Variants in GRIP2 observed in about 807,000 individuals in gnomAD.
The protein encoded by GRIP2 is glutamate receptor-interacting protein 2.
Under a neutral mutation model 108.3 loss-of-function variants are expected in GRIP2, and 58 were observed. That is an observed-to-expected ratio of 0.54 (90% confidence interval 0.43 to 0.67). The LOEUF (loss-of-function observed/expected upper bound fraction) is 0.67, where lower values mean the gene tolerates loss of function less well. GRIP2 is among the 30% of genes least tolerant of loss of function. The probability of loss-of-function intolerance (pLI) is 0.00; values close to 1 mark genes in which losing one functional copy is unlikely to be tolerated. For missense variants in GRIP2, 1,278 were observed against 1,430.6 expected, an observed-to-expected ratio of 0.89 and a Z score of 1.72; for synonymous variants, 586 against 598.2, an observed-to-expected ratio of 0.98 and a Z score of 0.30.
rs1355013137 is a variant in GRIP2, at chr3:14,513,689, G to A, written c.1615C>T (p.Leu539=). The A allele has an allele frequency of 6.2e-7, 1 of 1,610,506 alleles. No homozygotes were observed. The highest frequency in any genetic ancestry group is 1.7e-5 in the Admixed American group (1 of 59,592). The change falls in exon 13 of 24, where the codon CTG becomes TTG. Residue 539 remains leucine, a synonymous_variant. Coordinates refer to ENST00000621039, the MANE Select transcript of GRIP2 (RefSeq NM_001080423.4). ...CCCGCCACATCGAACTCCACCTCCAGCACGACCTTGTGGGCCAGTGCGGCG... is the reference window on the plus strand; with the variant it reads ...CCCGCCACATCGAACTCCACCTCCAACACGACCTTGTGGGCCAGTGCGGCG... ...RDAALAHKVV[L]EVEFDVAESV...
At chr3:14,514,732 G>C (rs1441935217) in intron 11 of GRIP2, among the ~76,000 whole-genome samples, 4 of 152,244 alleles carry the variant, frequency 2.6e-5, no homozygotes, top group Admixed American at 2.6e-4. Context: ...TGACTGTCAT[G>C]CTGTAAAGCA....
chr3:14,576,906 A>T, the GRIP2 span, among the ~76,000 whole-genome samples: 4 of 152,156 alleles, frequency 2.6e-5, no homozygotes, highest in Non-Finnish European at 5.9e-5. Flanking sequence ...CAGTTAGGCC[A>T]CTCTCAAGCT....
At position 14,503,560 on chromosome 3, in the gene GRIP2, C is replaced by A; in HGVS notation, c.2679+6G>T. 6.2e-7 allele frequency: 1 copy of A among 1,603,394 alleles called. No individual in the cohort carries two copies. The highest frequency in any genetic ancestry group is 8.5e-7 in the Non-Finnish European group (1 of 1,173,908). On this transcript the variant is annotated splice_donor_region_variant and intron_variant, in intron 21 of 23. Transcript: ENST00000621039. ...CCATGCAGGCCTGCAGGGCAGGCAG[C>A]CATACCTCCAGTTCCCTCAGCAGCT...
chr3:14,495,697 G>A (rs1387498081), intron 22 of GRIP2, among the ~76,000 whole-genome samples: 1 of 152,046 alleles, frequency 6.6e-6, no homozygotes, highest in Non-Finnish European at 1.5e-5. Context: ...GAGCCACCGC[G>A]ACCAGCTCGT....
At chr3:14,599,740 C>A in the GRIP2 span, among the ~76,000 whole-genome samples, 1 of 145,456 alleles carries the variant, frequency 6.9e-6, no homozygotes, top group Non-Finnish European at 1.5e-5. Context: ...TCAGCTCCAG[C>A]TGGTCTCTGC....
At chr3:14,513,925 T>C (rs2124895967) in intron 12 of GRIP2, 115 bp from the exon 13 acceptor site, 1 of 1,281,246 alleles carries the variant, frequency 7.8e-7, no homozygotes, top group South Asian at 1.5e-5. Context: ...CTGGGGTGAC[T>C]CTCAGCTCTG....
At chr3:14,586,686 G>C in the GRIP2 span, among the ~76,000 whole-genome samples, 5 of 152,176 alleles carry the variant, frequency 3.3e-5, no homozygotes, top group African/African-American at 7.2e-5. Context: ...TAACATCTGC[G>C]GGGGGAAAGC....
intron 1 of GRIP2, among the ~76,000 whole-genome samples, chr3:14,534,599 T>G (rs1442967885): frequency 6.6e-6 from 1 of 152,018 alleles, no homozygotes; most frequent in Non-Finnish European, 1.5e-5. Context: ...AATCGTCCTG[T>G]AGGAACTCGC....
chr3:14,598,102 CACACAA>C, the GRIP2 span, among the ~76,000 whole-genome samples: 23 of 152,148 alleles, frequency 1.5e-4, no homozygotes, highest in African/African-American at 2.7e-4. Context: ...CTGGAAACCA[CACACAA>C]ACACAAACAC....
At chr3:14,498,479 T>C (rs997369515) in intron 21 of GRIP2, among the ~76,000 whole-genome samples, 1 of 151,860 alleles carries the variant, frequency 6.6e-6, no homozygotes, top group African/African-American at 2.4e-5. Flanking sequence ...ATAAAAACTG[T>C]TTTAGGGCCA....
At chr3:14,581,620 T>C in the GRIP2 span, among the ~76,000 whole-genome samples, 6 of 152,240 alleles carry the variant, frequency 3.9e-5, no homozygotes, top group African/African-American at 1.2e-4. Context: ...CACTGGAAGG[T>C]AGAATGATAT....
rs958240571 is a variant in GRIP2, at chr3:14,521,632, C to T, written c.712+10G>A. On this transcript the variant is annotated intron_variant, in intron 7 of 23. Transcript: ENST00000621039. The surrounding 1 kb of genome is among the most constrained non-coding windows in gnomAD (Gnocchi z 5.1). ...CTGCCCCAACCCACACACTCAGGCC[C>T]CCAACTCACCAGGGGTGGCCACATC... 1.9e-6 allele frequency: 3 copies of T among 1,600,304 alleles called. No homozygotes were observed. Among genetic ancestry groups the T allele is most frequent in the Middle Eastern group, 1.7e-4 (1 of 6,018 alleles).
rs561465669 is a variant in GRIP2 at position 14,555,850 on chromosome 3, C to A, written c.55+50G>T. On this transcript the variant is annotated intron_variant, in intron 1 of 23. Coordinates refer to the GRIP2 transcript ENST00000637182. ...GGGGTGACTGAGGACAGGCAGGGAG[C>A]CTGGGAAGTCCCTCTGGGCCCCTCG... 4.5e-3 allele frequency: 1,791 copies of A among 398,922 alleles called. 4 individuals are homozygous for A. The highest frequency in any genetic ancestry group is 5.9e-3 in the Non-Finnish European group (1,331 of 226,290). The allele number at this position is 398,922 out of a possible 1,614,324, so 24.7% of individuals were successfully genotyped here. A position where few individuals can be genotyped will look rare whatever the true frequency, so the allele number is the denominator to read the frequency against.
rs1349161297 is a variant in GRIP2 at position 14,522,796 on chromosome 3, G to A, written c.566+204C>T. The A allele has an allele frequency of 1.8e-6, 1 of 571,220 alleles. No individual in the cohort carries two copies. Among genetic ancestry groups the A allele is most frequent in the Non-Finnish European group, 3.2e-6 (1 of 314,874 alleles). 35.4% of individuals were successfully genotyped at this position (571,220 alleles called of 1,614,324 possible). On this transcript the variant is annotated intron_variant, in intron 6 of 23. Coordinates refer to ENST00000621039, the MANE Select transcript of GRIP2 (RefSeq NM_001080423.4). The surrounding 1 kb of genome is among the most constrained non-coding windows in gnomAD (Gnocchi z 4.3). ...ACCCCTGAGACAGCAGTATGTTGGG[G>A]AAGAAAGGGCTCGAGGTTTCCCTCA...
chr3:14,591,963 T>G, the GRIP2 span, among the ~76,000 whole-genome samples: 1 of 152,270 alleles, frequency 6.6e-6, no homozygotes, highest in East Asian at 1.9e-4. Flanking sequence ...TGCTCTGTTC[T>G]GTGAGATCTA....
the GRIP2 span, among the ~76,000 whole-genome samples, chr3:14,592,159 C>T: frequency 1.3e-5 from 2 of 152,260 alleles, no homozygotes; most frequent in Non-Finnish European, 2.9e-5. Flanking sequence ...CCTCCACACT[C>T]GGGCCTGTCC....
Position 14,490,020 on chromosome 3 carries a change from A to G in GRIP2, c.*3645T>C, listed in dbSNP as rs989283159. On this transcript the variant is annotated 3_prime_UTR_variant, in exon 24 of 24. Transcript: ENST00000621039. ...GTCAGTTGAGCCCTTTGCCCAACTAACCAGACAAAATTCTCAGTAACTCAT... is the reference window on the plus strand; with the variant it reads ...GTCAGTTGAGCCCTTTGCCCAACTAGCCAGACAAAATTCTCAGTAACTCAT... 2.0e-5 allele frequency: 3 copies of G among 152,164 alleles called. No homozygotes were observed. The highest frequency in any genetic ancestry group is 4.8e-5 in the African/African-American group (2 of 41,424). The allele number at this position is 152,164 out of a possible 1,614,324, so 9.4% of individuals were successfully genotyped here. A position where few individuals can be genotyped will look rare whatever the true frequency, so the allele number is the denominator to read the frequency against.
rs185387418 is a variant in GRIP2, at chr3:14,489,928, G to C, written c.*3737C>G. On this transcript the variant is annotated 3_prime_UTR_variant, in exon 24 of 24. Coordinates refer to ENST00000621039, the MANE Select transcript of GRIP2 (RefSeq NM_001080423.4). Reference sequence around the variant, plus strand: ...TTAGGGGCTCTCTGGGGTCACAACAGGTCCATGTTTGGGGCAGCCTTCCTG... The same window carrying C: ...TTAGGGGCTCTCTGGGGTCACAACACGTCCATGTTTGGGGCAGCCTTCCTG... The C allele has an allele frequency of 1.3e-5, 2 of 152,360 alleles. No homozygotes were observed. The highest frequency in any genetic ancestry group is 2.1e-4 in the South Asian group (1 of 4,818). The allele number at this position is 152,360 out of a possible 1,614,324, so 9.4% of individuals were successfully genotyped here.
chr3:14,543,696 G>C (rs1415795016), upstream of GRIP2, among the ~76,000 whole-genome samples: 2 of 152,246 alleles, frequency 1.3e-5, no homozygotes, highest in African/African-American at 4.8e-5. Context: ...CCTGAGGACA[G>C]CATCTGACTG....
Sources: gnomAD v4.1 joint callset for allele counts (sites outside exome capture counted in the v4.1 genomes callset) on GRCh38, gnomAD v4.1.1 for gene constraint, Gnocchi (gnomAD v3.1) non-coding constraint, MANE v1.5 for transcripts, NCBI Gene and HGNC (gene_info 2026-07-23, HGNC 2026-07-21) for gene names.